Variants in C4BPA observed in about 807,000 individuals in gnomAD.
C4BPA encodes the protein C4b-binding protein alpha chain.
C4BPA carries 31 observed loss-of-function variants against 63.7 expected under a neutral mutation model. That is an observed-to-expected ratio of 0.49 (90% CI 0.37 to 0.66). The LOEUF (loss-of-function observed/expected upper bound fraction) is 0.66. Ranked by LOEUF, C4BPA falls within the 30% of genes least tolerant of loss-of-function variation. The pLI, the probability that C4BPA is intolerant of heterozygous loss-of-function variation, is 0.00. For missense variants in C4BPA, 572 were observed against 723.3 expected, an observed-to-expected ratio of 0.79 and a Z score of 2.40; for synonymous variants, 259 against 254.7, an observed-to-expected ratio of 1.02 and a Z score of -0.16.
chr1:207,123,115 G>A (rs1684953634), intron 4 of C4BPA, among the ~76,000 whole-genome samples: 1 of 152,202 alleles, frequency 6.6e-6, no homozygotes, highest in Non-Finnish European at 1.5e-5. Context: ...ACACTAAGGT[G>A]TTCCCATTGA....
At chr1:207,125,618 T>TC (rs1365409027) in intron 6 of C4BPA, among the ~76,000 whole-genome samples, 1 of 151,920 alleles carries the variant, frequency 6.6e-6, no homozygotes, top group African/African-American at 2.4e-5. Flanking sequence ...TTTCATCCCT[T>TC]CCCCCATGTG....
intron 9 of C4BPA, among the ~76,000 whole-genome samples, chr1:207,136,356 A>C (rs1201362155): frequency 2.0e-5 from 3 of 152,146 alleles, no homozygotes. Flanking sequence ...TACCTTTTCT[A>C]CTGGGGATGC....
chr1:207,135,082 A>G (rs1685251929), intron 9 of C4BPA, among the ~76,000 whole-genome samples: 1 of 151,956 alleles, frequency 6.6e-6, no homozygotes, highest in Admixed American at 6.6e-5. Context: ...CACACCTGTA[A>G]TCCCAGCACT....
chr1:207,106,967 G>T (rs929808380), intron 1 of C4BPA, among the ~76,000 whole-genome samples: 1 of 152,152 alleles, frequency 6.6e-6, no homozygotes, highest in African/African-American at 2.4e-5. Flanking sequence ...GTTAGAGATG[G>T]AAAGTTGAAT....
intron 4 of C4BPA, among the ~76,000 whole-genome samples, chr1:207,118,663 G>A (rs969600392): frequency 6.6e-6 from 1 of 152,068 alleles, no homozygotes; most frequent in Non-Finnish European, 1.5e-5. Flanking sequence ...TATGAGTTTT[G>A]GGTGGGGACA....
intron 4 of C4BPA, among the ~76,000 whole-genome samples, chr1:207,121,900 T>C (rs4446970): frequency 0.58 from 88,610 of 151,838 alleles, 27,193 homozygotes; most frequent in East Asian, 0.73. Context: ...TTAGTGTTTA[T>C]TTTGTATTTA....
rs1339142620 is a variant in C4BPA at position 207,126,849 on chromosome 1, T to C, written c.843T>C (p.Cys281=). The change falls in exon 7 of 12, where the codon TGT becomes TGC. Residue 281 remains cysteine, a synonymous_variant. Transcript: ENST00000367070. ...TCAGAGGCAGCAGTGTAATTCATTGTGATGCTGATAGCAAATGGAATCCTT... is the reference window on the plus strand; with the variant it reads ...TCAGAGGCAGCAGTGTAATTCATTGCGATGCTGATAGCAAATGGAATCCTT... ...FVLRGSSVIH[C]DADSKWNPSP... 6.8e-6 allele frequency: 11 copies of C among 1,613,232 alleles called. No homozygotes were observed. Among genetic ancestry groups the C allele is most frequent in the African/African-American group, 1.3e-5 (1 of 74,888 alleles).
intron 1 of C4BPA, among the ~76,000 whole-genome samples, chr1:207,110,527 T>G (rs894093139): frequency 6.6e-6 from 1 of 152,214 alleles, no homozygotes; most frequent in African/African-American, 2.4e-5. Context: ...TGGTGGCTTA[T>G]GCCTGTAATC....
At chr1:207,107,935 A>G (rs1684592302) in intron 1 of C4BPA, among the ~76,000 whole-genome samples, 1 of 152,158 alleles carries the variant, frequency 6.6e-6, no homozygotes, top group Non-Finnish European at 1.5e-5. Context: ...AGGAGGCAAT[A>G]ATGACTTGGA....
At chr1:207,105,592 T>C (rs777849174) in intron 1 of C4BPA, among the ~76,000 whole-genome samples, 85 of 148,864 alleles carry the variant, frequency 5.7e-4, no homozygotes, top group Non-Finnish European at 9.6e-4. Flanking sequence ...AAAGAGATTC[T>C]AGGAAGGGTG....
chr1:207,126,718 A>G lies in C4BPA; in HGVS notation c.712A>G (p.Thr238Ala). The G allele has an allele frequency of 6.2e-7, 1 of 1,606,688 alleles. No homozygotes were observed. Among genetic ancestry groups the G allele is most frequent in the Non-Finnish European group, 8.5e-7 (1 of 1,175,700 alleles). Residue 238 changes from threonine (T) to alanine (A), a missense_variant, in exon 7 of 12, where the codon ACC becomes GCC. By Grantham distance (58) the Thr-to-Ala change is moderately conservative (BLOSUM62 0). This residue lies in a region of C4BPA where 465 missense variants were observed against 629.4 expected (regional missense o/e 0.74). Coordinates refer to ENST00000367070, the MANE Select transcript of C4BPA (RefSeq NM_000715.4). ...RPSPPTCEKI[T>A]CRKPDVSHGE... ...CTTTTCTCATGATTCTTTAGAAATC[A>G]CCTGTCGCAAGCCAGATGTTTCACA...
chr1:207,133,917 G>A (rs1177031039), intron 8 of C4BPA, among the ~76,000 whole-genome samples: 1 of 152,154 alleles, frequency 6.6e-6, no homozygotes, highest in African/African-American at 2.4e-5. Context: ...AGTTAATAGA[G>A]AGTTTAATAA....
chr1:207,129,734 C>A (rs769133143), intron 7 of C4BPA, among the ~76,000 whole-genome samples: 2 of 152,106 alleles, frequency 1.3e-5, no homozygotes, highest in Non-Finnish European at 2.9e-5. Flanking sequence ...TTTGCACTTA[C>A]ATATATTACA....
chr1:207,134,699 A>G lies in C4BPA; in HGVS notation c.1273+107A>G, dbSNP rs900293865. ...AGGTAAAAAAATTCATATACCTTGC[A>G]TGATTCTTGGAATGGGTCCAACTTT... On this transcript the variant is annotated intron_variant, in intron 9 of 11. Coordinates refer to ENST00000367070, the MANE Select transcript of C4BPA (RefSeq NM_000715.4). 7 of 734,898 alleles carry G rather than the reference A, an allele frequency of 9.5e-6. No individual in the cohort carries two copies. The African/African-American group carries it at 1.3e-4, about 13-fold the overall frequency. The allele number at this position is 734,898 out of a possible 1,614,324, so 45.5% of individuals were successfully genotyped here. A position where few individuals can be genotyped will look rare whatever the true frequency, so the allele number is the denominator to read the frequency against.
intron 11 of C4BPA, among the ~76,000 whole-genome samples, chr1:207,144,276 A>G (rs968731761): frequency 6.6e-6 from 1 of 152,124 alleles, no homozygotes; most frequent in South Asian, 2.1e-4. Flanking sequence ...GCTAAGCTAT[A>G]TAATATATTG....
intron 1 of C4BPA, among the ~76,000 whole-genome samples, chr1:207,111,976 C>A (rs919503778): frequency 6.6e-6 from 1 of 151,818 alleles, no homozygotes; most frequent in African/African-American, 2.4e-5. Flanking sequence ...TCTTAAAAAA[C>A]TAAAAATAGA....
chr1:207,121,885 T>C (rs769309616), intron 4 of C4BPA, among the ~76,000 whole-genome samples: 1 of 152,150 alleles, frequency 6.6e-6, no homozygotes, highest in Non-Finnish European at 1.5e-5. Flanking sequence ...ATCATTTGTA[T>C]TATCTTAGTG....
intron 1 of C4BPA, among the ~76,000 whole-genome samples, chr1:207,111,065 G>A (rs1684658677): frequency 6.6e-6 from 1 of 152,116 alleles, no homozygotes; most frequent in South Asian, 2.1e-4. Flanking sequence ...TATCTTATTG[G>A]GTGGGAGAAA....
rs1000656962 is a variant in C4BPA, at chr1:207,131,728, C to A, written c.1072C>A (p.Gln358Lys). The A allele has an allele frequency of 3.1e-6, 5 of 1,610,608 alleles. No homozygotes were observed. The highest frequency in any genetic ancestry group is 3.4e-6 in the Non-Finnish European group (4 of 1,178,414). The change falls in exon 8 of 12, where the codon CAA becomes AAA. Residue 358 changes from glutamine (Q) to lysine (K), a missense_variant. Physicochemically the swap from Gln to Lys is moderately conservative, Grantham distance 53. Around this residue, in one of 2 missense-constraint regions of C4BPA, gnomAD observed 465 missense variants for 629.4 expected, o/e 0.74. Coordinates refer to ENST00000367070, the MANE Select transcript of C4BPA (RefSeq NM_000715.4). Reference sequence around the variant, plus strand: ...GAAAAATTTGAGATGGACCCCATACCAAGGATGTGAGGGTGAGTTTTTGTT... The same window carrying A: ...GAAAAATTTGAGATGGACCCCATACAAAGGATGTGAGGGTGAGTTTTTGTT... ...CQKNLRWTPY[Q>K]GCEALCCPEP...
Sources: allele counts gnomAD v4.1 joint callset (sites outside exome capture counted in the v4.1 genomes callset), GRCh38; gene constraint gnomAD v4.1.1; regional missense constraint gnomAD v4.1.1; transcripts MANE v1.5; gene names NCBI Gene and HGNC (gene_info 2026-07-23, HGNC 2026-07-21).